FAM13A: variants seen among roughly 807,000 people sequenced by gnomAD.
FAM13A encodes protein FAM13A.
In FAM13A, 76 loss-of-function variants were observed where a neutral mutation model predicts 129.6. The ratio of observed to expected loss-of-function variants is 0.59; its 90% CI spans 0.49 to 0.71. FAM13A has a LOEUF of 0.71. FAM13A is among the 30% of genes least tolerant of loss of function. The pLI is 0.00. For missense variants in FAM13A, 1,108 were observed against 1,249.3 expected, an observed-to-expected ratio of 0.89 and a Z score of 1.70; for synonymous variants, 443 against 449.9, an observed-to-expected ratio of 0.98 and a Z score of 0.20.
intron 4 of FAM13A, among the ~76,000 whole-genome samples, chr4:88,952,793 C>G (rs1757143836): frequency 6.6e-6 from 1 of 151,930 alleles, no homozygotes; most frequent in Admixed American, 6.6e-5. Context: ...ACTAAAAACA[C>G]AAAAATTAGC....
chr4:88,826,033 T>C (rs1376552693), intron 7 of FAM13A, among the ~76,000 whole-genome samples: 2 of 152,212 alleles, frequency 1.3e-5, no homozygotes, highest in African/African-American at 4.8e-5. Context: ...ATACTTTTCT[T>C]ATTTCTATTT....
Position 88,850,916 on chromosome 4 carries a change from T to C in FAM13A, c.1007+104A>G, listed in dbSNP as rs528547087. 290 of 1,020,332 alleles carry C rather than the reference T, an allele frequency of 2.8e-4. No homozygotes were observed. In the African/African-American group the frequency reaches 4.0e-3, roughly 14 times the overall value. 63.2% of individuals were successfully genotyped at this position (1,020,332 alleles called of 1,614,324 possible). On this transcript the variant is annotated intron_variant, in intron 7 of 23. Coordinates refer to ENST00000264344, the MANE Select transcript of FAM13A (RefSeq NM_014883.4). Reference sequence around the variant, plus strand: ...AGTATCTTTACTGATCTATATCCTGTAAACTCCAGTGGCAGATCAATGCAG... The same window carrying C: ...AGTATCTTTACTGATCTATATCCTGCAAACTCCAGTGGCAGATCAATGCAG...
rs567756856 is a variant in FAM13A at position 88,953,266 on chromosome 4, C to T, written c.606-15025G>A. Reference sequence around the variant, plus strand: ...GGTCAAGAGTTCGAGACCAGCCTGGCCAACATGGTGAAACCCCGTCTCTAC... The same window carrying T: ...GGTCAAGAGTTCGAGACCAGCCTGGTCAACATGGTGAAACCCCGTCTCTAC... On this transcript the variant is annotated intron_variant, in intron 4 of 23. Coordinates refer to ENST00000264344, the MANE Select transcript of FAM13A (RefSeq NM_014883.4). Among the ~76,000 whole-genome samples the T allele has an allele frequency of 4.6e-5, 7 of 151,906 alleles. No homozygotes were observed. The East Asian group carries it at 1.4e-3, about 30-fold the overall frequency.
chr4:88,972,359 T>C (rs894493687), intron 4 of FAM13A, among the ~76,000 whole-genome samples: 2 of 150,406 alleles, frequency 1.3e-5, no homozygotes, highest in Non-Finnish European at 2.9e-5. Flanking sequence ...TGGATTGCAG[T>C]GGTGCGATCT....
At chr4:88,997,988 C>A (rs1247577697) in intron 3 of FAM13A, among the ~76,000 whole-genome samples, 1 of 152,162 alleles carries the variant, frequency 6.6e-6, no homozygotes, top group Non-Finnish European at 1.5e-5. Context: ...ACACGGGCAG[C>A]CTCTAGAAAC....
chr4:88,775,039 G>C (rs1373868471), intron 11 of FAM13A, among the ~76,000 whole-genome samples: 1 of 152,196 alleles, frequency 6.6e-6, no homozygotes, highest in Non-Finnish European at 1.5e-5. Flanking sequence ...AACTGGAAAA[G>C]CTCTGAAAGT....
At chr4:88,998,626 G>T (rs994970048) in intron 3 of FAM13A, among the ~76,000 whole-genome samples, 8 of 152,110 alleles carry the variant, frequency 5.3e-5, no homozygotes, top group African/African-American at 1.9e-4. Context: ...AATTTTAATA[G>T]AAACCTATAA....
chr4:88,950,885 G>A (rs1235270376), intron 4 of FAM13A, among the ~76,000 whole-genome samples: 1 of 152,220 alleles, frequency 6.6e-6, no homozygotes, highest in African/African-American at 2.4e-5. Flanking sequence ...ATGGCCAACA[G>A]CTGTTATTAA....
intron 10 of FAM13A, among the ~76,000 whole-genome samples, chr4:88,786,808 G>T (rs1318697755): frequency 2.0e-5 from 3 of 151,788 alleles, no homozygotes; most frequent in Non-Finnish European, 2.9e-5. Context: ...TCCATAAAGG[G>T]TTTAATGTAG....
At chr4:88,939,377 C>T (rs1377380015) in intron 4 of FAM13A, among the ~76,000 whole-genome samples, 1 of 152,152 alleles carries the variant, frequency 6.6e-6, no homozygotes, top group Non-Finnish European at 1.5e-5. Flanking sequence ...TGTGCTTAAT[C>T]TCCCTCTACC....
At chr4:88,889,212 T>C (rs1180068846) in intron 6 of FAM13A, among the ~76,000 whole-genome samples, 1 of 152,234 alleles carries the variant, frequency 6.6e-6, no homozygotes, top group Non-Finnish European at 1.5e-5. Context: ...AATGTGGTTA[T>C]ACTGTCCCAT....
intron 4 of FAM13A, among the ~76,000 whole-genome samples, chr4:88,989,337 C>A (rs1408266152): frequency 6.6e-6 from 1 of 152,158 alleles, no homozygotes; most frequent in Non-Finnish European, 1.5e-5. Flanking sequence ...CACAGTGGCT[C>A]ATGCCCGTAA....
At chr4:88,774,278 G>A (rs929262866) in intron 11 of FAM13A, among the ~76,000 whole-genome samples, 12 of 152,102 alleles carry the variant, frequency 7.9e-5, no homozygotes, top group African/African-American at 2.7e-4. Flanking sequence ...TCCACAGCAT[G>A]TATTGCCATC....
At chr4:88,946,401 CT>C (rs3067813) in intron 4 of FAM13A, among the ~76,000 whole-genome samples, 1,775 of 91,694 alleles carry the variant, frequency 0.019, 12 homozygotes, top group Middle Eastern at 0.045. Context: ...CTCCCGCGTT[CT>C]TTTTTTTTTT....
chr4:88,750,509 G>A lies in FAM13A; in HGVS notation c.1855C>T (p.Arg619Trp), dbSNP rs765968303. 23 of 1,614,000 alleles carry A rather than the reference G, an allele frequency of 1.4e-5. No homozygotes were observed. The highest frequency in any genetic ancestry group is 1.8e-5 in the Non-Finnish European group (21 of 1,180,002). The change falls in exon 15 of 24, where the codon CGG (arginine) becomes TGG (tryptophan). Residue 619 changes from arginine to tryptophan, a missense_variant. By Grantham distance (101) the Arg-to-Trp change is moderately radical. Transcript: ENST00000264344. ...DEDSDPMLSP[R>W]FYAYGQSRQY... Reference sequence around the variant, plus strand: ...CTGCTCTGCCCATAAGCGTAGAACCGAGGAGAGAGCATGGGGTCGCTGTCT... The same window carrying A: ...CTGCTCTGCCCATAAGCGTAGAACCAAGGAGAGAGCATGGGGTCGCTGTCT...
chr4:88,955,432 T>C (rs903890301), intron 4 of FAM13A, among the ~76,000 whole-genome samples: 46 of 152,252 alleles, frequency 3.0e-4, no homozygotes, highest in Admixed American at 5.9e-4. Context: ...AATTACCCAG[T>C]CTCGGGTATG....
chr4:88,939,934 C>T (rs978488798), intron 4 of FAM13A, among the ~76,000 whole-genome samples: 3 of 152,098 alleles, frequency 2.0e-5, no homozygotes, highest in Non-Finnish European at 4.4e-5. Flanking sequence ...TCCCCAAACT[C>T]GAGCCTTTAG....
intron 5 of FAM13A, chr4:88,936,840 G>A (rs1753935361): frequency 6.6e-6 from 1 of 151,918 alleles, no homozygotes; most frequent in Non-Finnish European, 1.5e-5. Flanking sequence ...TTTAATAGTT[G>A]TACATATTTA....
At chr4:88,978,443 G>A (rs528482755) in intron 4 of FAM13A, among the ~76,000 whole-genome samples, 112 of 152,208 alleles carry the variant, frequency 7.4e-4, no homozygotes, top group African/African-American at 2.6e-3. Context: ...AAAAAATGCT[G>A]TAAACTAAAG....
Sources: gnomAD v4.1 joint callset for allele counts (sites outside exome capture counted in the v4.1 genomes callset) on GRCh38, gnomAD v4.1.1 for gene constraint, MANE v1.5 for transcripts, NCBI Gene and HGNC (gene_info 2026-07-23, HGNC 2026-07-21) for gene names.